Variants in PTN observed in about 807,000 individuals in gnomAD.
PTN encodes the protein heparin affin regulatory protein.
Under a neutral mutation model 24.1 loss-of-function variants are expected in PTN, and 18 were observed. The observed-to-expected ratio is 0.75, with a 90% confidence interval of 0.52 to 1.11. The LOEUF (loss-of-function observed/expected upper bound fraction) is 1.11. Among genes scored for constraint, PTN ranks in the 50% least tolerant of loss-of-function variants. The probability of loss-of-function intolerance (pLI) is 0.00; values close to 1 mark genes in which losing one functional copy is unlikely to be tolerated. For missense variants in PTN, 163 were observed against 198.8 expected (o/e 0.82, Z 1.08); for synonymous variants, 78 against 68.6 (o/e 1.14, Z -0.67).
chr7:137,291,201 T>C (rs1809634398), intron 1 of PTN, among the ~76,000 whole-genome samples: 1 of 152,192 alleles, frequency 6.6e-6, no homozygotes, highest in Non-Finnish European at 1.5e-5. Flanking sequence ...TTCACACACA[T>C]GCACACATAT....
chr7:137,228,646 T>C (rs1585000876), intron 4 of PTN, among the ~76,000 whole-genome samples: 1 of 151,834 alleles, frequency 6.6e-6, no homozygotes, highest in South Asian at 2.1e-4. Flanking sequence ...ATATGTACTC[T>C]CTCTGGAGCT....
chr7:137,319,135 T>G (rs1437469206), intron 1 of PTN, among the ~76,000 whole-genome samples: 1 of 152,158 alleles, frequency 6.6e-6, no homozygotes, highest in African/African-American at 2.4e-5. Context: ...AGTTCTGGAG[T>G]AATAGGAAAT....
chr7:137,305,880 T>A (rs1429277182), intron 1 of PTN, among the ~76,000 whole-genome samples: 1 of 152,098 alleles, frequency 6.6e-6, no homozygotes, highest in East Asian at 1.9e-4. Flanking sequence ...GAATTCCTCA[T>A]AGAATAATCA....
intron 2 of PTN, among the ~76,000 whole-genome samples, chr7:137,254,283 G>A (rs1303568888): frequency 1.4e-5 from 2 of 147,584 alleles, no homozygotes; most frequent in African/African-American, 2.5e-5. Flanking sequence ...GTGACAGAGC[G>A]AGACTCCAAC....
intron 1 of PTN, among the ~76,000 whole-genome samples, chr7:137,318,298 G>T (rs1333455908): frequency 6.6e-6 from 1 of 152,096 alleles, no homozygotes; most frequent in African/African-American, 2.4e-5. Flanking sequence ...TAATCTAGTG[G>T]CTGAGAGCAC....
At chr7:137,284,861 T>C (rs1397749768) in intron 1 of PTN, among the ~76,000 whole-genome samples, 1 of 152,166 alleles carries the variant, frequency 6.6e-6, no homozygotes, top group Admixed American at 6.5e-5. Flanking sequence ...TGGAATTACA[T>C]TGGTGAGCGA....
chr7:137,250,494 A>G (rs1808805192), intron 4 of PTN, among the ~76,000 whole-genome samples: 1 of 152,222 alleles, frequency 6.6e-6, no homozygotes, highest in Admixed American at 6.5e-5. Flanking sequence ...TCTCCAATAC[A>G]GTGACATTGT....
chr7:137,257,980 C>T (rs550212965), intron 1 of PTN, among the ~76,000 whole-genome samples: 1 of 152,304 alleles, frequency 6.6e-6, no homozygotes, highest in Admixed American at 6.5e-5. Context: ...CAATAACACA[C>T]ATATACACAC....
intron 1 of PTN, among the ~76,000 whole-genome samples, chr7:137,266,867 CCTTT>C (rs1809158503): frequency 1.1e-5 from 1 of 91,990 alleles, no homozygotes; most frequent in Non-Finnish European, 2.0e-5. Context: ...GTATAGATGG[CCTTT>C]TTTTTTTTTT....
At chr7:137,267,100 G>C (rs1235433379) in intron 1 of PTN, among the ~76,000 whole-genome samples, 1 of 152,098 alleles carries the variant, frequency 6.6e-6, no homozygotes, top group Admixed American at 6.5e-5. Flanking sequence ...GGCTTTTAAA[G>C]GAATCAGGTA....
intron 1 of PTN, among the ~76,000 whole-genome samples, chr7:137,331,174 C>T (rs1286120129): frequency 2.4e-5 from 3 of 126,240 alleles, no homozygotes; most frequent in Non-Finnish European, 3.6e-5. Flanking sequence ...CATTAGAAAC[C>T]CACAGAGCCT....
chr7:137,330,914 A>G (rs988337944), intron 1 of PTN, among the ~76,000 whole-genome samples: 3 of 152,170 alleles, frequency 2.0e-5, no homozygotes, highest in African/African-American at 7.2e-5. Context: ...CAGATGGGCC[A>G]TAAGGACCCT....
At chr7:137,333,588 G>T (rs996186140) in intron 1 of PTN, among the ~76,000 whole-genome samples, 2 of 152,098 alleles carry the variant, frequency 1.3e-5, no homozygotes, top group African/African-American at 2.4e-5. Flanking sequence ...AGTTATAGAC[G>T]TTAAAATGTG....
At chr7:137,233,934 A>G (rs1163235055) in intron 4 of PTN, among the ~76,000 whole-genome samples, 1 of 149,866 alleles carries the variant, frequency 6.7e-6, no homozygotes, top group East Asian at 2.0e-4. Flanking sequence ...ATATGTATAC[A>G]TATATATGTA....
intron 1 of PTN, among the ~76,000 whole-genome samples, chr7:137,303,040 G>A (rs910389724): frequency 6.6e-6 from 1 of 151,970 alleles, no homozygotes; most frequent in Non-Finnish European, 1.5e-5. Flanking sequence ...CCAGCTGCAT[G>A]AGACATGAAA....
chr7:137,294,651 T>C (rs1035200915), intron 1 of PTN, among the ~76,000 whole-genome samples: 1 of 152,102 alleles, frequency 6.6e-6, no homozygotes, highest in Non-Finnish European at 1.5e-5. Context: ...TTGCAGTTAC[T>C]GAAAAGCCCA....
intron 1 of PTN, among the ~76,000 whole-genome samples, chr7:137,323,142 T>A (rs1050295285): frequency 6.6e-6 from 1 of 152,234 alleles, no homozygotes; most frequent in East Asian, 1.9e-4. Flanking sequence ...TTGAAAAACA[T>A]CTTGTGAATT....
chr7:137,291,568 C>T (rs576646933), intron 1 of PTN, among the ~76,000 whole-genome samples: 25 of 152,142 alleles, frequency 1.6e-4, no homozygotes, highest in African/African-American at 4.3e-4. Context: ...CCGCTGCCTA[C>T]GGGTCTCTCA....
chr7:137,253,351 T>C (rs1277583450), intron 3 of PTN, 113 bp downstream of exon 3: 2 of 1,153,120 alleles, frequency 1.7e-6, no homozygotes, highest in African/African-American at 3.1e-5. Context: ...ACTTTGTGTC[T>C]GGTAAGATAA....
Sources: gnomAD v4.1 joint callset for allele counts (sites outside exome capture counted in the v4.1 genomes callset) on GRCh38, gnomAD v4.1.1 for gene constraint, MANE v1.5 for transcripts, NCBI Gene and HGNC (gene_info 2026-07-23, HGNC 2026-07-21) for gene names.